The following PDE7A variants were observed in gnomAD, a reference collection of about 807,000 sequenced individuals.
The protein encoded by PDE7A is phosphodiesterase 7A.
PDE7A carries 39 observed loss-of-function variants against 64.3 expected under a neutral mutation model. That is an observed-to-expected ratio of 0.61 (90% CI 0.47 to 0.79). The LOEUF is 0.79. Ranked by LOEUF, PDE7A falls within the 30% of genes least tolerant of loss-of-function variation. The pLI is 0.00. For synonymous variants in PDE7A, 203 were observed against 206.8 expected, an observed-to-expected ratio of 0.98 and a Z score of 0.16; for missense variants, 470 against 582.8, an observed-to-expected ratio of 0.81 and a Z score of 1.99.
intron 1 of PDE7A, among the ~76,000 whole-genome samples, chr8:65,809,877 G>C (rs892278708): frequency 6.6e-6 from 1 of 152,162 alleles, no homozygotes; most frequent in Admixed American, 6.5e-5. Context: ...GGAGAAATAG[G>C]AACACTTTTA....
intron 1 of PDE7A, among the ~76,000 whole-genome samples, chr8:65,815,937 A>T (rs1409546513): frequency 6.6e-6 from 1 of 152,232 alleles, no homozygotes; most frequent in Admixed American, 6.5e-5. Context: ...ACACTATAAC[A>T]AATTCAGTGC....
intron 7 of PDE7A, among the ~76,000 whole-genome samples, chr8:65,731,061 T>G (rs777685933): frequency 1.3e-5 from 2 of 152,208 alleles, no homozygotes; most frequent in Non-Finnish European, 2.9e-5. Flanking sequence ...GGTGCTGTTT[T>G]AGGGGACAGG....
At chr8:65,742,742 T>A (rs1027909250) in intron 5 of PDE7A, among the ~76,000 whole-genome samples, 2 of 152,198 alleles carry the variant, frequency 1.3e-5, no homozygotes, top group Non-Finnish European at 2.9e-5. Flanking sequence ...AGTAGAAAAT[T>A]CCTGAGCTTT....
chr8:65,830,700 A>C (rs1316504014), intron 1 of PDE7A, among the ~76,000 whole-genome samples: 1 of 152,136 alleles, frequency 6.6e-6, no homozygotes, highest in Non-Finnish European at 1.5e-5. Context: ...GTCCAAAATA[A>C]ATCTGACACA....
chr8:65,787,422 T>C (rs745516065), intron 1 of PDE7A, among the ~76,000 whole-genome samples: 2 of 152,184 alleles, frequency 1.3e-5, no homozygotes, highest in African/African-American at 2.4e-5. Context: ...CCAGCCAAAG[T>C]TGTGAAGTCA....
Position 65,786,051 on chromosome 8 carries a change from T to C in PDE7A, c.139-3208A>G, listed in dbSNP as rs182353051. On this transcript the variant is annotated intron_variant, in intron 1 of 12. Transcript: ENST00000401827. ...CTTAACTAAGGTAATCATTTTAGCC[T>C]CATTTATAGAAGCACTAATTTAGAT... is the stretch of plus-strand genomic sequence containing the variant. 3.3e-5 allele frequency among the ~76,000 whole-genome samples: 5 copies of C among 152,308 alleles called. No individual in the cohort carries two copies. The East Asian group carries it at 9.6e-4, about 29-fold the overall frequency.
intron 3 of PDE7A, among the ~76,000 whole-genome samples, chr8:65,769,868 C>T (rs939393024): frequency 1.3e-5 from 2 of 152,076 alleles, no homozygotes; most frequent in Non-Finnish European, 2.9e-5. Context: ...TGCACTCCAG[C>T]CTGGGTGACA....
chr8:65,719,133 A>T lies in PDE7A; in HGVS notation c.*157T>A. On this transcript the variant is annotated 3_prime_UTR_variant, in exon 13 of 13. Transcript: ENST00000401827. The stretch of plus-strand genomic sequence containing the variant: ...GTCTTGCAATTAACAAGTGGGTTCA[A>T]ATGATCCAACAGAGGAAATCTTGGA... The T allele has an allele frequency of 1.6e-6, 1 of 616,934 alleles. No individual in the cohort carries two copies. The highest frequency in any genetic ancestry group is 2.9e-6 in the Non-Finnish European group (1 of 346,016). 38.2% of individuals were successfully genotyped at this position (616,934 alleles called of 1,614,324 possible).
chr8:65,719,293 T>C lies in PDE7A; in HGVS notation c.1446A>G (p.Ser482=), dbSNP rs763468144. ...SQLLPQENRL[S] is the part of the protein sequence containing the mutation. ...TTTGTCCCACTGGTTCTGGGGGTTA[T>C]GATAACCGATTTTCCTGAGGTAATA... is the stretch of plus-strand genomic sequence containing the variant. The change falls in exon 13 of 13, where the codon TCA becomes TCG. Residue 482 remains serine (S), a synonymous_variant. Transcript: ENST00000401827. The C allele has an allele frequency of 4.3e-6, 7 of 1,612,180 alleles. No homozygotes were observed. The East Asian group carries it at 1.3e-4, about 31-fold the overall frequency.
rs751247894 is a variant in PDE7A, at chr8:65,734,878, ATCT to A, written c.609_611del (p.Glu203del). 1.9e-6 allele frequency: 3 copies of A among 1,606,304 alleles called. No homozygotes were observed. Among genetic ancestry groups the A allele is most frequent in the Non-Finnish European group, 1.7e-6 (2 of 1,173,046 alleles). On this transcript the variant is annotated inframe_deletion, in exon 7 of 13. Transcript: ENST00000401827. ...TATGGTAAGGATTTTGACTGTGGTA[ATCT>A]TCTTGAATCATAACTGCATCAAAGA...
At chr8:65,724,618 T>TA (rs1312142366) in intron 10 of PDE7A, among the ~76,000 whole-genome samples, 159 bp downstream of exon 10, 4 of 152,322 alleles carry the variant, frequency 2.6e-5, no homozygotes, top group South Asian at 2.1e-4. Flanking sequence ...GATTCACCAG[T>TA]GATCTCCTTT....
At position 65,714,547 on chromosome 8, in the gene PDE7A, A is replaced by G. The variant is rs1426973693; in HGVS notation, c.*4743T>C. The stretch of plus-strand genomic sequence containing the variant: ...GAACAAGCTGCTAATTCTTGCACAG[A>G]CCTGTATTACTCCGTGTTTCAAATG... On this transcript the variant is annotated 3_prime_UTR_variant, in exon 13 of 13. Coordinates refer to ENST00000401827, the MANE Select transcript of PDE7A (RefSeq NM_001242318.3). 6.6e-6 allele frequency: 1 copy of G among 152,012 alleles called. No individual in the cohort carries two copies. The highest frequency in any genetic ancestry group is 1.5e-5 in the Non-Finnish European group (1 of 68,024). 9.4% of individuals were successfully genotyped at this position (152,012 alleles called of 1,614,324 possible).
At chr8:65,737,860 T>C (rs1324634446) in intron 6 of PDE7A, among the ~76,000 whole-genome samples, 2 of 152,206 alleles carry the variant, frequency 1.3e-5, no homozygotes, top group Non-Finnish European at 2.9e-5. Context: ...CATCTTAACT[T>C]ATTTTATAGT....
chr8:65,825,825 G>T (rs1810658895), intron 1 of PDE7A, among the ~76,000 whole-genome samples: 1 of 152,186 alleles, frequency 6.6e-6, no homozygotes, highest in Non-Finnish European at 1.5e-5. Context: ...GACTCCTGTT[G>T]GCTGACCACA....
chr8:65,730,636 CAGAGAA>C (rs1404679892), intron 7 of PDE7A, among the ~76,000 whole-genome samples: 1 of 152,062 alleles, frequency 6.6e-6, no homozygotes. Context: ...GGTCTAAAAA[CAGAGAA>C]CTAGGCTGGG....
chr8:65,755,661 A>C (rs1300450723), intron 3 of PDE7A, among the ~76,000 whole-genome samples: 2 of 152,242 alleles, frequency 1.3e-5, no homozygotes, highest in African/African-American at 2.4e-5. Context: ...GTTATAAACC[A>C]AAAATATAAC....
At chr8:65,813,921 C>T (rs1269562045) in intron 1 of PDE7A, among the ~76,000 whole-genome samples, 2 of 152,198 alleles carry the variant, frequency 1.3e-5, no homozygotes, top group Non-Finnish European at 2.9e-5. Flanking sequence ...CACCCATGAA[C>T]TTCATAAACA....
chr8:65,815,809 T>C (rs1490975474), intron 1 of PDE7A, among the ~76,000 whole-genome samples: 2 of 152,228 alleles, frequency 1.3e-5, no homozygotes, highest in Admixed American at 1.3e-4. Context: ...CTATCACTTC[T>C]TGAGTTTTAC....
At position 65,793,720 on chromosome 8, in the gene PDE7A, C is replaced by T. The variant is rs1809761975; in HGVS notation, c.139-10877G>A. On this transcript the variant is annotated intron_variant, in intron 1 of 12. Transcript: ENST00000401827. ...ATAAGGAATAGTTTTAAAACTGAAG[C>T]TTTAGGCAAAGAAACAAAAAGAAAG... Among the ~76,000 whole-genome samples, 5 of 152,028 alleles carry T rather than the reference C, an allele frequency of 3.3e-5. 1 individual carries two copies. The South Asian group carries it at 1.0e-3, about 31-fold the overall frequency.
Sources: allele counts gnomAD v4.1 joint callset (sites outside exome capture counted in the v4.1 genomes callset), GRCh38; gene constraint gnomAD v4.1.1; transcripts MANE v1.5; gene names NCBI Gene and HGNC (gene_info 2026-07-23, HGNC 2026-07-21).